Variants in BARX2 observed in about 807,000 individuals in gnomAD.
BARX2 encodes homeobox protein BarH-like 2.
In BARX2, 11 loss-of-function variants were observed where a neutral mutation model predicts 25.5. The ratio of observed to expected loss-of-function variants is 0.43; its 90% CI spans 0.27 to 0.71. BARX2 has a LOEUF of 0.71. Among genes scored for constraint, BARX2 ranks in the 30% least tolerant of loss-of-function variants. BARX2 has a pLI of 0.19. For missense variants in BARX2, 360 were observed against 359.9 expected, an observed-to-expected ratio of 1.00 and a Z score of 0.00; for synonymous variants, 137 against 149.5, an observed-to-expected ratio of 0.92 and a Z score of 0.61.
intron 1 of BARX2, among the ~76,000 whole-genome samples, chr11:129,403,809 C>A (rs936413375): frequency 1.3e-5 from 2 of 152,174 alleles, no homozygotes; most frequent in African/African-American, 4.8e-5. Flanking sequence ...CAGTCTTGAA[C>A]TCCTGGGCTC....
chr11:129,451,234 G>T lies in BARX2; in HGVS notation c.672G>T (p.Met224Ile), dbSNP rs774260627. The T allele has an allele frequency of 3.1e-6, 5 of 1,614,208 alleles. No homozygotes were observed. The South Asian group carries it at 4.4e-5, about 14-fold the overall frequency. ...AAGAGATTGAAGCTGAAGAGAAGAT[G>T]AACAGCCAGGCCCAGGGTCAGGAGC... Reference protein sequence around the residue: ...TSEEIEAEEKMNSQAQGQEQL... With the variant: ...TSEEIEAEEKINSQAQGQEQL... Residue 224 changes from methionine to isoleucine, a missense_variant, in exon 4 of 4, where the codon ATG (methionine) becomes ATT (isoleucine). Met to Ile is a conservative substitution (Grantham distance 10, BLOSUM62 1). Around this residue, in one of 3 missense-constraint regions of BARX2, gnomAD observed 114 missense variants for 109.4 expected, o/e 1.04. Coordinates refer to ENST00000281437, the MANE Select transcript of BARX2 (RefSeq NM_003658.5).
At chr11:129,403,436 C>T (rs75800513) in intron 1 of BARX2, among the ~76,000 whole-genome samples, 2 of 152,144 alleles carry the variant, frequency 1.3e-5, no homozygotes, top group African/African-American at 4.8e-5. Flanking sequence ...GGAGAGGCAG[C>T]CTTTACTCTT....
chr11:129,397,855 A>G (rs1473355078), intron 1 of BARX2, among the ~76,000 whole-genome samples: 1 of 152,254 alleles, frequency 6.6e-6, no homozygotes, highest in African/African-American at 2.4e-5. Flanking sequence ...ATGAAAAGGA[A>G]GGCCGAGAGG....
intron 1 of BARX2, among the ~76,000 whole-genome samples, chr11:129,383,232 A>C (rs1320971707): frequency 6.6e-6 from 1 of 152,204 alleles, no homozygotes; most frequent in African/African-American, 2.4e-5. Context: ...TGTTAAAATA[A>C]ATGCTCTAAA....
At chr11:129,439,237 G>A (rs1373941082) in intron 2 of BARX2, among the ~76,000 whole-genome samples, 1 of 152,120 alleles carries the variant, frequency 6.6e-6, no homozygotes, top group Non-Finnish European at 1.5e-5. Flanking sequence ...GAATTAAAGG[G>A]TGGCAGTGGG....
intron 1 of BARX2, among the ~76,000 whole-genome samples, chr11:129,435,751 A>G (rs1301899860): frequency 6.6e-6 from 1 of 152,228 alleles, no homozygotes; most frequent in Non-Finnish European, 1.5e-5. Flanking sequence ...CACATAGGTA[A>G]TGATCCAGAC....
rs947878145 is a variant in BARX2 at position 129,452,185 on chromosome 11, G to C, written c.*783G>C. ...TTCATAAAAAACATTTGTGACCTTC[G>C]GCATAAATGGGTTAAGGTGCCATCC... On this transcript the variant is annotated 3_prime_UTR_variant, in exon 4 of 4. Transcript: ENST00000281437. The C allele has an allele frequency of 6.6e-6, 1 of 151,990 alleles. No individual in the cohort carries two copies. The highest frequency in any genetic ancestry group is 1.5e-5 in the Non-Finnish European group (1 of 68,018). 9.4% of individuals were successfully genotyped at this position (151,990 alleles called of 1,614,324 possible).
At chr11:129,406,848 T>C (rs1032062300) in intron 1 of BARX2, among the ~76,000 whole-genome samples, 17 of 152,050 alleles carry the variant, frequency 1.1e-4, no homozygotes, top group African/African-American at 3.9e-4. Context: ...ACCACTGGAG[T>C]AATTAAAGAA....
intron 1 of BARX2, among the ~76,000 whole-genome samples, chr11:129,410,837 C>G (rs1861879183): frequency 6.6e-6 from 1 of 152,214 alleles, no homozygotes; most frequent in South Asian, 2.1e-4. Context: ...CCATTAAACT[C>G]TCTGCCCTCT....
intron 1 of BARX2, among the ~76,000 whole-genome samples, chr11:129,402,532 A>G (rs908800440): frequency 6.6e-6 from 1 of 151,924 alleles, no homozygotes; most frequent in Admixed American, 6.6e-5. Flanking sequence ...CCCCATCTGT[A>G]AAAAAAAGGG....
chr11:129,399,019 C>T (rs1398804501), intron 1 of BARX2, among the ~76,000 whole-genome samples: 1 of 152,120 alleles, frequency 6.6e-6, no homozygotes, highest in Non-Finnish European at 1.5e-5. Flanking sequence ...TGCAGTTCAA[C>T]GTAGGGATAT....
At chr11:129,391,707 C>T (rs1861667304) in intron 1 of BARX2, among the ~76,000 whole-genome samples, 1 of 152,078 alleles carries the variant, frequency 6.6e-6, no homozygotes, top group Non-Finnish European at 1.5e-5. Flanking sequence ...AATTTCCAGA[C>T]CTTTCTAGAA....
At chr11:129,444,960 C>T (rs1862306662) in intron 3 of BARX2, among the ~76,000 whole-genome samples, 1 of 151,834 alleles carries the variant, frequency 6.6e-6, no homozygotes, top group African/African-American at 2.4e-5. Context: ...AAGATCACAC[C>T]ATTGCTCTCC....
upstream of BARX2, among the ~76,000 whole-genome samples, chr11:129,375,424 C>T (rs890853621): frequency 6.6e-6 from 1 of 152,286 alleles, no homozygotes; most frequent in Non-Finnish European, 1.5e-5. The surrounding 1 kb of genome is among the most constrained non-coding windows in gnomAD (Gnocchi z 4.0). Flanking sequence ...CGCTGGGCTG[C>T]GGACACTGGG....
chr11:129,448,492 T>C (rs1591451306), intron 3 of BARX2, among the ~76,000 whole-genome samples: 1 of 152,200 alleles, frequency 6.6e-6, no homozygotes, highest in African/African-American at 2.4e-5. Context: ...AATGAAGATA[T>C]ACAGCTAGCC....
chr11:129,382,757 G>A (rs988351805), intron 1 of BARX2, among the ~76,000 whole-genome samples: 2 of 152,102 alleles, frequency 1.3e-5, no homozygotes, highest in African/African-American at 2.4e-5. Flanking sequence ...GTGGCTCTAG[G>A]GACGCACTCA....
Position 129,376,045 on chromosome 11 carries a change from C to T in BARX2, c.10C>T (p.His4Tyr). 1.3e-6 allele frequency: 2 copies of T among 1,587,914 alleles called. No individual in the cohort carries two copies. Among genetic ancestry groups the T allele is most frequent in the Non-Finnish European group, 1.7e-6 (2 of 1,169,694 alleles). MHC[H>Y]AELRLSSPGQ... ...CTCGCGCCGGCTCACCATGCACTGC[C>T]ACGCCGAGCTGAGGCTGAGCTCGCC... is the stretch of plus-strand genomic sequence containing the variant. Residue 4 changes from histidine to tyrosine, a missense_variant, in exon 1 of 4, where the codon CAC (histidine) becomes TAC (tyrosine). His to Tyr is a moderately conservative substitution (Grantham distance 83, BLOSUM62 2). Coordinates refer to ENST00000281437, the MANE Select transcript of BARX2 (RefSeq NM_003658.5). The surrounding 1 kb of genome is among the most constrained non-coding windows in gnomAD (Gnocchi z 4.2).
At chr11:129,438,368 G>A (rs1862218076) in intron 2 of BARX2, 1 of 148,224 alleles carries the variant, frequency 6.7e-6, no homozygotes, top group South Asian at 2.1e-4. Context: ...GTCTCATCTT[G>A]TTCTTTCAGA....
chr11:129,416,206 G>C (rs1861941415), intron 1 of BARX2, among the ~76,000 whole-genome samples: 1 of 152,326 alleles, frequency 6.6e-6, no homozygotes, highest in African/African-American at 2.4e-5. Flanking sequence ...ACTGTGACTT[G>C]AGTTTTGCCA....
Sources: allele counts gnomAD v4.1 joint callset (sites outside exome capture counted in the v4.1 genomes callset), GRCh38; gene constraint gnomAD v4.1.1; regional missense constraint gnomAD v4.1.1; non-coding constraint Gnocchi (gnomAD v3.1); transcripts MANE v1.5; gene names NCBI Gene and HGNC (gene_info 2026-07-23, HGNC 2026-07-21).